KAT7: variants seen among roughly 807,000 people sequenced by gnomAD.
KAT7 encodes histone acetyltransferase KAT7.
KAT7 carries 10 observed loss-of-function variants against 82.1 expected under a neutral mutation model. The ratio of observed to expected loss-of-function variants is 0.12; its 90% CI spans 0.08 to 0.21. KAT7 has a LOEUF of 0.21. Among genes scored for constraint, KAT7 ranks in the 10% least tolerant of loss-of-function variants. The pLI, the probability that KAT7 is intolerant of heterozygous loss-of-function variation, is 1.00. For synonymous variants in KAT7, 250 were observed against 262.5 expected (o/e 0.95, Z 0.46); for missense variants, 378 against 760.9 (o/e 0.50, Z 5.92).
intron 14 of KAT7, 53 bp from the exon 15 acceptor site, chr17:49,827,348 A>G (rs918669154): frequency 2.8e-6 from 3 of 1,084,774 alleles, no homozygotes; most frequent in Non-Finnish European, 4.3e-6. Context: ...GAATCTATGT[A>G]AAGGCACTTG....
In KAT7 at chr17:49,809,160, G is replaced by C; in HGVS notation, c.705G>C (p.Met235Ile). ...GGGATAAGCAGATAGAAGAAAGGATGCTGTCTCACAGGCAAGATGACAACA... is the reference window on the plus strand; with the variant it reads ...GGGATAAGCAGATAGAAGAAAGGATCCTGTCTCACAGGCAAGATGACAACA... ...QSRDKQIEER[M>I]LSHRQDDNNR... Residue 235 changes from methionine (M) to isoleucine (I), a missense_variant, in exon 6 of 15, where the codon ATG becomes ATC. By Grantham distance (10) the Met-to-Ile change is conservative (BLOSUM62 1). Around this residue, in one of 6 missense-constraint regions of KAT7, gnomAD observed 102 missense variants for 129.8 expected, o/e 0.79. Transcript: ENST00000259021. The C allele has an allele frequency of 1.2e-6, 2 of 1,614,156 alleles. No homozygotes were observed. Among genetic ancestry groups the C allele is most frequent in the East Asian group, 2.2e-5 (1 of 44,884 alleles).
chr17:49,796,170 T>C (rs961608308), intron 2 of KAT7, among the ~76,000 whole-genome samples: 3 of 152,152 alleles, frequency 2.0e-5, no homozygotes, highest in Non-Finnish European at 4.4e-5. Context: ...CCTTTATGAA[T>C]CTATTATGAC....
At chr17:49,800,594 A>G (rs1319225638) in intron 4 of KAT7, among the ~76,000 whole-genome samples, 1 of 152,108 alleles carries the variant, frequency 6.6e-6, no homozygotes, top group Non-Finnish European at 1.5e-5. Context: ...TGCATTGCTA[A>G]ATTGTTAATT....
At chr17:49,825,086 T>G (rs2074353107) in intron 12 of KAT7, among the ~76,000 whole-genome samples, 3 of 152,232 alleles carry the variant, frequency 2.0e-5, no homozygotes, top group African/African-American at 4.8e-5. Flanking sequence ...TCTAAAACTT[T>G]CCACTCCCAT....
chr17:49,815,599 C>T (rs1325761850), intron 7 of KAT7: 1 of 433,562 alleles, frequency 2.3e-6, no homozygotes, highest in Non-Finnish European at 4.1e-6. Context: ...CATTTCCTCT[C>T]CAGAATCACT....
chr17:49,811,718 G>C, intron 7 of KAT7, 144 bp downstream of exon 7: 2 of 406,638 alleles, frequency 4.9e-6, no homozygotes, highest in Non-Finnish European at 9.0e-6. Context: ...GGCACTTAGA[G>C]TTTATTTCAT....
intron 9 of KAT7, among the ~76,000 whole-genome samples, chr17:49,818,883 C>T (rs376242414): frequency 1.3e-5 from 2 of 151,780 alleles, no homozygotes; most frequent in African/African-American, 4.8e-5. Flanking sequence ...GGACTACAGT[C>T]GCACACCACC....
rs760143512 is a variant in KAT7 at position 49,798,498 on chromosome 17, C to T, written c.520C>T (p.Arg174Cys). Reference protein sequence around the residue: ...SDLSHRPKRRRFHESYNFNMK... With the variant: ...SDLSHRPKRRCFHESYNFNMK... ...TCTCTCTCATCGCCCCAAGCGCCGT[C>T]GCTTCCATGAAAGCTACAACTTCAA... Residue 174 changes from arginine to cysteine, a missense_variant, in exon 4 of 15, where the codon CGC (arginine) becomes TGC (cysteine). By Grantham distance (180) the Arg-to-Cys change is radical (BLOSUM62 -3). Around this residue, in one of 6 missense-constraint regions of KAT7, gnomAD observed 161 missense variants for 229.6 expected, o/e 0.70. Coordinates refer to ENST00000259021, the MANE Select transcript of KAT7 (RefSeq NM_007067.5). 2 of 1,614,032 alleles carry T rather than the reference C, an allele frequency of 1.2e-6. No homozygotes were observed. The highest frequency in any genetic ancestry group is 1.7e-5 in the Admixed American group (1 of 60,018).
rs2074424399 is a variant in KAT7 at position 49,831,474 on chromosome 17, A to G, written c.*3972A>G. The G allele has an allele frequency of 6.6e-6, 1 of 152,118 alleles. No individual in the cohort carries two copies. Among genetic ancestry groups the G allele is most frequent in the Middle Eastern group, 3.2e-3 (1 of 314 alleles). The allele number at this position is 152,118 out of a possible 1,614,324, so 9.4% of individuals were successfully genotyped here. Reference sequence around the variant, plus strand: ...CTCACCACAGCACAGTAAGGTGGATATTATAGTCTTCTTCTAGATGAAAAA... The same window carrying G: ...CTCACCACAGCACAGTAAGGTGGATGTTATAGTCTTCTTCTAGATGAAAAA... On this transcript the variant is annotated 3_prime_UTR_variant, in exon 15 of 15. Coordinates refer to ENST00000259021, the MANE Select transcript of KAT7 (RefSeq NM_007067.5).
intron 11 of KAT7, 83 bp downstream of exon 11, chr17:49,821,873 G>A: frequency 7.9e-7 from 1 of 1,272,488 alleles, no homozygotes; most frequent in South Asian, 1.2e-5. Context: ...ATCACTGACA[G>A]GAAGAAGCTG....
intron 1 of KAT7, chr17:49,789,878 A>ATATAT (rs1036338731): frequency 1.1e-4 from 16 of 152,062 alleles, no homozygotes; most frequent in Non-Finnish European, 1.6e-4. Flanking sequence ...ACAATGGGAG[A>ATATAT]TATATTGGTA....
chr17:49,826,985 A>G, intron 14 of KAT7, 186 bp downstream of exon 14: 1 of 503,388 alleles, frequency 2.0e-6, no homozygotes, highest in Non-Finnish European at 3.6e-6. Flanking sequence ...GAAGGTTTTG[A>G]TAAGCTCCTG....
chr17:49,790,473 A>G (rs532567528), intron 1 of KAT7, among the ~76,000 whole-genome samples: 39 of 152,368 alleles, frequency 2.6e-4, no homozygotes, highest in African/African-American at 9.4e-4. Flanking sequence ...CTGGGATTAC[A>G]GGCATGAGCC....
intron 11 of KAT7, among the ~76,000 whole-genome samples, chr17:49,822,747 C>T (rs938950484): frequency 1.3e-5 from 2 of 152,076 alleles, no homozygotes; most frequent in African/African-American, 2.4e-5. Flanking sequence ...CTATAAATTT[C>T]CCTATTTTGG....
intron 5 of KAT7, 113 bp from the exon 6 acceptor site, chr17:49,809,006 C>T: frequency 2.7e-6 from 2 of 739,760 alleles, no homozygotes; most frequent in South Asian, 1.8e-5. Flanking sequence ...GTGTGAAGAC[C>T]CTTTGAAAGT....
chr17:49,818,135 G>C, intron 9 of KAT7, 124 bp downstream of exon 9: 2 of 719,654 alleles, frequency 2.8e-6, no homozygotes, highest in Non-Finnish European at 4.6e-6. Context: ...GTGGGATGAA[G>C]GCATAGGAAA....
At chr17:49,797,747 GTAA>G (rs1284772927) in intron 3 of KAT7, among the ~76,000 whole-genome samples, 1 of 152,260 alleles carries the variant, frequency 6.6e-6, no homozygotes, top group Non-Finnish European at 1.5e-5. Context: ...ATCACCCATA[GTAA>G]TAATTGGCTG....
At chr17:49,809,426 T>C (rs181521556) in intron 6 of KAT7, among the ~76,000 whole-genome samples, 6 of 152,320 alleles carry the variant, frequency 3.9e-5, no homozygotes, top group African/African-American at 9.6e-5. Context: ...GTAGTAGTAA[T>C]AGTAGTAGCA....
At chr17:49,823,538 C>T (rs1317524060) in intron 12 of KAT7, 2 of 412,234 alleles carry the variant, frequency 4.9e-6, no homozygotes, top group Non-Finnish European at 8.8e-6. Context: ...AAAGTAAGCT[C>T]TTTAGGATTA....
Sources: allele counts gnomAD v4.1 joint callset (sites outside exome capture counted in the v4.1 genomes callset), GRCh38; gene constraint gnomAD v4.1.1; regional missense constraint gnomAD v4.1.1; transcripts MANE v1.5; gene names NCBI Gene and HGNC (gene_info 2026-07-23, HGNC 2026-07-21).